Variants in NRXN3 observed in about 807,000 individuals in gnomAD.
NRXN3 encodes the protein neurexin III.
NRXN3 carries 32 observed loss-of-function variants against 137.6 expected under a neutral mutation model. The ratio of observed to expected loss-of-function variants is 0.23; its 90% CI spans 0.18 to 0.31. NRXN3 has a LOEUF of 0.31. NRXN3 is among the 10% of genes least tolerant of loss of function. The pLI is 1.00. For missense variants in NRXN3, 1,574 were observed against 2,062.5 expected (o/e 0.76, Z 4.59); for synonymous variants, 798 against 784.5 (o/e 1.02, Z -0.29).
intron 3 of NRXN3, among the ~76,000 whole-genome samples, chr14:78,290,328 A>G (rs1233888496): frequency 1.3e-5 from 2 of 152,222 alleles, no homozygotes; most frequent in Non-Finnish European, 2.9e-5. Context: ...TCATCACAAC[A>G]TCAAGACAGC....
intron 15 of NRXN3, among the ~76,000 whole-genome samples, chr14:79,199,342 G>A (rs17108944): frequency 0.035 from 5,266 of 152,028 alleles, 232 homozygotes; most frequent in East Asian, 0.21. Context: ...AGAGTGAAAC[G>A]ATGAATAAAA....
At chr14:78,650,543 G>A (rs1308626649) in intron 5 of NRXN3, among the ~76,000 whole-genome samples, 1 of 151,942 alleles carries the variant, frequency 6.6e-6, no homozygotes, top group Non-Finnish European at 1.5e-5. Context: ...GGAGGGTAGG[G>A]ATTGGTGTCC....
At chr14:79,515,209 G>A (rs990056603) in intron 16 of NRXN3, among the ~76,000 whole-genome samples, 7 of 150,602 alleles carry the variant, frequency 4.6e-5, no homozygotes, top group African/African-American at 1.8e-4. Flanking sequence ...CCTGTGAAAA[G>A]TAGGGAAAGA....
chr14:78,418,310 T>A (rs988322927), intron 4 of NRXN3, among the ~76,000 whole-genome samples: 27 of 152,214 alleles, frequency 1.8e-4, no homozygotes, highest in Non-Finnish European at 7.3e-5. Flanking sequence ...ATTTCATTTA[T>A]GTTGGTGGAT....
chr14:78,348,837 G>A (rs1037985887), intron 4 of NRXN3, among the ~76,000 whole-genome samples: 2 of 152,176 alleles, frequency 1.3e-5, no homozygotes, highest in African/African-American at 4.8e-5. Flanking sequence ...GAAGTAGCTG[G>A]TGAGGGTAGG....
At chr14:78,357,649 C>T (rs1258457108) in intron 4 of NRXN3, among the ~76,000 whole-genome samples, 1 of 152,122 alleles carries the variant, frequency 6.6e-6, no homozygotes, top group Non-Finnish European at 1.5e-5. Flanking sequence ...TAAGCATAGC[C>T]AATACAGAAG....
chr14:79,026,742 T>G (rs1346369235), intron 15 of NRXN3, among the ~76,000 whole-genome samples: 3 of 151,930 alleles, frequency 2.0e-5, no homozygotes, highest in African/African-American at 7.3e-5. Flanking sequence ...AGGTGTTTAA[T>G]GAGGATCAAT....
At chr14:78,538,016 T>C (rs2096553002) in intron 4 of NRXN3, among the ~76,000 whole-genome samples, 1 of 152,238 alleles carries the variant, frequency 6.6e-6, no homozygotes, top group Non-Finnish European at 1.5e-5. Flanking sequence ...ACTATAGCCT[T>C]GTACTATAGT....
At chr14:79,447,951 T>C (rs2096091863) in intron 15 of NRXN3, among the ~76,000 whole-genome samples, 1 of 152,322 alleles carries the variant, frequency 6.6e-6, no homozygotes, top group Admixed American at 6.5e-5. Context: ...TGAGTTTTAA[T>C]GTCCTGTTTA....
intron 15 of NRXN3, among the ~76,000 whole-genome samples, chr14:79,382,260 C>G (rs970693278): frequency 4.6e-5 from 7 of 152,090 alleles, no homozygotes; most frequent in Non-Finnish European, 8.8e-5. Context: ...GTGACATTTA[C>G]CAAGACAATT....
chr14:78,395,759 T>A (rs1272544393), intron 4 of NRXN3, among the ~76,000 whole-genome samples: 1 of 152,060 alleles, frequency 6.6e-6, no homozygotes, highest in East Asian at 1.9e-4. Context: ...TTTTTGTGAT[T>A]TTTTTTGTCC....
chr14:78,614,065 A>G (rs942814495), intron 4 of NRXN3, among the ~76,000 whole-genome samples: 2 of 152,200 alleles, frequency 1.3e-5, no homozygotes, highest in Non-Finnish European at 2.9e-5. Context: ...TTTCCTGCAC[A>G]TCAGTGCCGT....
chr14:78,210,704 C>T (rs915389389), intron 1 of NRXN3, among the ~76,000 whole-genome samples: 5 of 151,558 alleles, frequency 3.3e-5, no homozygotes, highest in East Asian at 1.9e-4. Context: ...CAGGCAACCA[C>T]GATGTAGTTT....
intron 6 of NRXN3, among the ~76,000 whole-genome samples, chr14:78,682,400 C>CTT (rs11387931): frequency 0.017 from 2,536 of 146,164 alleles, 40 homozygotes; most frequent in African/African-American, 0.041. Flanking sequence ...ACATCTGATA[C>CTT]TTTTTTTTTT....
chr14:79,670,415 C>T (rs75708216), intron 17 of NRXN3, among the ~76,000 whole-genome samples: 8,328 of 152,094 alleles, frequency 0.055, 326 homozygotes, highest in Middle Eastern at 0.12. Context: ...TGTCACTTGC[C>T]AGCTTGCCCA....
chr14:79,215,409 A>G (rs2068328481), intron 15 of NRXN3, among the ~76,000 whole-genome samples: 1 of 152,120 alleles, frequency 6.6e-6, no homozygotes, highest in South Asian at 2.1e-4. Flanking sequence ...GTGTATATAT[A>G]TATAGAATTA....
intron 1 of NRXN3, among the ~76,000 whole-genome samples, chr14:78,205,008 C>A (rs2062043091): frequency 6.6e-6 from 1 of 152,156 alleles, no homozygotes; most frequent in Non-Finnish European, 1.5e-5. Flanking sequence ...TTCTATCTGA[C>A]CTTCTGCCCT....
chr14:79,852,234 A>AACACACACACACACACAC lies in NRXN3; in HGVS notation c.4094-9079_4094-9062dup, dbSNP rs45581833. On this transcript the variant is annotated intron_variant, in intron 20 of 20. Coordinates refer to ENST00000335750, the MANE Select transcript of NRXN3 (RefSeq NM_001330195.2). ...CAATACAGGTTCTAGTTCAACTCCC[A>AACACACACACACACACAC]ACACACACACACACACACACACACA... is the stretch of plus-strand genomic sequence containing the variant. Among the ~76,000 whole-genome samples the AACACACACACACACACAC allele has an allele frequency of 1.6e-3, 210 of 128,258 alleles. 3 individuals are homozygous for AACACACACACACACACAC. Among genetic ancestry groups the AACACACACACACACACAC allele is most frequent in the Non-Finnish European group, 2.0e-3 (120 of 61,404 alleles). The allele number at this position is 128,258 out of a possible 152,430, so 84.1% of individuals were successfully genotyped here.
At chr14:78,595,927 C>T (rs944345850) in intron 4 of NRXN3, among the ~76,000 whole-genome samples, 1 of 152,100 alleles carries the variant, frequency 6.6e-6, no homozygotes, top group African/African-American at 2.4e-5. Context: ...TTTTAGACCC[C>T]AAGGGGACAA....
Sources: gnomAD v4.1 joint callset for allele counts (sites outside exome capture counted in the v4.1 genomes callset) on GRCh38, gnomAD v4.1.1 for gene constraint, MANE v1.5 for transcripts, NCBI Gene and HGNC (gene_info 2026-07-23, HGNC 2026-07-21) for gene names.